Variants in CBFA2T2 observed in about 807,000 individuals in gnomAD.
CBFA2T2 encodes the protein protein CBFA2T2.
CBFA2T2 carries 11 observed loss-of-function variants against 62.2 expected under a neutral mutation model. The observed-to-expected ratio is 0.18, with a 90% CI of 0.11 to 0.29. The LOEUF (loss-of-function observed/expected upper bound fraction) is 0.29, where lower values mean the gene tolerates loss of function less well. CBFA2T2 is among the 10% of genes least tolerant of loss of function. The pLI is 1.00. For missense variants in CBFA2T2, 592 were observed against 774.1 expected (o/e 0.76, Z 2.79); for synonymous variants, 295 against 287.5 (o/e 1.03, Z -0.27).
chr20:33,521,378 T>C (rs746654319), intron 1 of CBFA2T2, among the ~76,000 whole-genome samples: 19 of 152,240 alleles, frequency 1.2e-4, no homozygotes, highest in Non-Finnish European at 2.2e-4. Flanking sequence ...CAATTCTTTT[T>C]AAATTTCTTC....
chr20:33,492,889 C>A (rs1251615861), intron 1 of CBFA2T2, among the ~76,000 whole-genome samples: 1 of 151,902 alleles, frequency 6.6e-6, no homozygotes, highest in African/African-American at 2.4e-5. Context: ...TCCTGAGGAG[C>A]TGGGATTACA....
intron 8 of CBFA2T2, among the ~76,000 whole-genome samples, chr20:33,636,325 G>C (rs1033403271): frequency 5.3e-5 from 8 of 151,370 alleles, no homozygotes; most frequent in African/African-American, 1.5e-4. Flanking sequence ...AGGGGGTACT[G>C]TACCTTAAAA....
chr20:33,524,389 G>C (rs2011823967), intron 1 of CBFA2T2, among the ~76,000 whole-genome samples: 2 of 152,036 alleles, frequency 1.3e-5, no homozygotes, highest in South Asian at 4.1e-4. Context: ...AGTTTGAACA[G>C]AGAAGTGGTT....
intron 1 of CBFA2T2, among the ~76,000 whole-genome samples, chr20:33,537,137 G>A (rs185762314): frequency 3.9e-5 from 6 of 152,220 alleles, no homozygotes; most frequent in African/African-American, 1.2e-4. Flanking sequence ...CAAGGCAGGC[G>A]GCTGGGAGGT....
chr20:33,562,202 T>C (rs2013112032), intron 1 of CBFA2T2: 1 of 162,782 alleles, frequency 6.1e-6, no homozygotes, highest in Admixed American at 6.5e-5. Flanking sequence ...TTGCACAATA[T>C]CCTTGCTGTT....
chr20:33,491,050 T>G (rs1337069060), intron 1 of CBFA2T2, among the ~76,000 whole-genome samples: 1 of 152,234 alleles, frequency 6.6e-6, no homozygotes, highest in African/African-American at 2.4e-5. Flanking sequence ...CTAATTGTTA[T>G]TCTTACTTCC....
chr20:33,515,315 C>T (rs899018550), intron 1 of CBFA2T2, among the ~76,000 whole-genome samples: 3 of 130,178 alleles, frequency 2.3e-5, no homozygotes, highest in Middle Eastern at 0.011. Context: ...CGTGTCACTG[C>T]ACTCCAGCCT....
intron 1 of CBFA2T2, among the ~76,000 whole-genome samples, chr20:33,568,360 G>A (rs2013423476): frequency 6.6e-6 from 1 of 152,180 alleles, no homozygotes; most frequent in Non-Finnish European, 1.5e-5. Context: ...AGGGAACCCA[G>A]TTCCCTAACT....
In CBFA2T2 at chr20:33,624,749, C is replaced by T. The variant is rs1356861691; in HGVS notation, c.693-15C>T. 2.5e-6 allele frequency: 4 copies of T among 1,613,374 alleles called. No individual in the cohort carries two copies. The highest frequency in any genetic ancestry group is 2.2e-5 in the East Asian group (1 of 44,878). Reference sequence around the variant, plus strand: ...TGTTGACAGGATCAGATACGCACTTCTGCTTCTTCTACAGGAGAGAAGAGA... The same window carrying T: ...TGTTGACAGGATCAGATACGCACTTTTGCTTCTTCTACAGGAGAGAAGAGA... On this transcript the variant is annotated splice_polypyrimidine_tract_variant and intron_variant, in intron 5 of 10. Transcript: ENST00000342704.
chr20:33,500,004 G>A lies in CBFA2T2; in HGVS notation c.34+9703G>A, dbSNP rs6120278. On this transcript the variant is annotated intron_variant, in intron 1 of 10. Coordinates refer to ENST00000342704, the MANE Select transcript of CBFA2T2 (RefSeq NM_001032999.3). ...TTTTAAAGACAGTCTCTGTCGCTCAGGCTGAGTGCAGTGGTGTGATCTTGG... is the reference window on the plus strand; with the variant it reads ...TTTTAAAGACAGTCTCTGTCGCTCAAGCTGAGTGCAGTGGTGTGATCTTGG... 3.6e-4 allele frequency among the ~76,000 whole-genome samples: 55 copies of A among 152,048 alleles called. 2 individuals carry two copies. In the East Asian group the frequency reaches 9.7e-3, roughly 27 times the overall value.
intron 3 of CBFA2T2, among the ~76,000 whole-genome samples, chr20:33,612,811 A>G (rs972319066): frequency 2.0e-5 from 3 of 152,242 alleles, no homozygotes; most frequent in African/African-American, 7.2e-5. Context: ...TTCTCAGTCT[A>G]AGGCCAGATG....
intron 6 of CBFA2T2, among the ~76,000 whole-genome samples, chr20:33,627,292 G>A (rs1417959118): frequency 6.6e-6 from 1 of 152,106 alleles, no homozygotes; most frequent in Non-Finnish European, 1.5e-5. Context: ...AGCTACTTGG[G>A]AGGCTGAGGC....
At chr20:33,500,305 C>T (rs970225772) in intron 1 of CBFA2T2, among the ~76,000 whole-genome samples, 3 of 151,988 alleles carry the variant, frequency 2.0e-5, no homozygotes, top group East Asian at 1.9e-4. Context: ...TTTTGCTAGA[C>T]TAGGGGTTTT....
At chr20:33,523,706 A>G (rs2011798800) in intron 1 of CBFA2T2, among the ~76,000 whole-genome samples, 1 of 149,904 alleles carries the variant, frequency 6.7e-6, no homozygotes, top group Non-Finnish European at 1.5e-5. Flanking sequence ...TTTTTTTCCC[A>G]GGATGGAATT....
At chr20:33,633,964 T>G (rs1343474098) in intron 8 of CBFA2T2, among the ~76,000 whole-genome samples, 2 of 152,136 alleles carry the variant, frequency 1.3e-5, no homozygotes, top group African/African-American at 4.8e-5. Context: ...AATTTTTTTT[T>G]GTTTGTTTGT....
At chr20:33,634,206 A>G (rs536579240) in intron 8 of CBFA2T2, among the ~76,000 whole-genome samples, 1 of 152,190 alleles carries the variant, frequency 6.6e-6, no homozygotes, top group South Asian at 2.1e-4. Context: ...TGACCTCGTG[A>G]TCCACCCGCC....
intron 1 of CBFA2T2, among the ~76,000 whole-genome samples, chr20:33,578,815 T>C (rs910949018): frequency 6.6e-6 from 1 of 152,178 alleles, no homozygotes; most frequent in Non-Finnish European, 1.5e-5. Context: ...AAGCTCAGCC[T>C]TCAGGATGAA....
At chr20:33,505,362 G>A (rs1261446044) in intron 1 of CBFA2T2, among the ~76,000 whole-genome samples, 1 of 152,064 alleles carries the variant, frequency 6.6e-6, no homozygotes, top group Non-Finnish European at 1.5e-5. Context: ...ATCAGTTGAG[G>A]GACTGTTAAA....
rs139096200 is a variant in CBFA2T2, at chr20:33,541,762, A to G, written c.34+51461A>G. Among the ~76,000 whole-genome samples the G allele has an allele frequency of 1.5e-3, 225 of 152,228 alleles. 3 individuals are homozygous for G. Among genetic ancestry groups the G allele is most frequent in the South Asian group, 3.1e-3 (15 of 4,826 alleles). ...TGCCTAGCTGGAAGAGACTTTTTCT[A>G]TAATTTTTGGTACTTTTTACTTGTT... is the stretch of plus-strand genomic sequence containing the variant. On this transcript the variant is annotated intron_variant, in intron 1 of 10. Coordinates refer to ENST00000342704, the MANE Select transcript of CBFA2T2 (RefSeq NM_001032999.3).
Sources: allele counts gnomAD v4.1 joint callset (sites outside exome capture counted in the v4.1 genomes callset), GRCh38; gene constraint gnomAD v4.1.1; transcripts MANE v1.5; gene names NCBI Gene and HGNC (gene_info 2026-07-23, HGNC 2026-07-21).